The following HECW2 variants were observed in gnomAD, a reference collection of about 807,000 sequenced individuals.
HECW2 encodes E3 ubiquitin-protein ligase HECW2.
HECW2 carries 61 observed loss-of-function variants against 175.2 expected under a neutral mutation model. The observed-to-expected ratio is 0.35, with a 90% CI of 0.28 to 0.43. The LOEUF is 0.43. Among genes scored for constraint, HECW2 ranks in the 20% least tolerant of loss-of-function variants. The pLI, the probability that HECW2 is intolerant of heterozygous loss-of-function variation, is 1.00. For synonymous variants in HECW2, 671 were observed against 731.0 expected (o/e 0.92, Z 1.32); for missense variants, 1,524 against 2,000.5 (o/e 0.76, Z 4.54).
At chr2:196,590,930 T>C (rs143993424) in intron 1 of HECW2, among the ~76,000 whole-genome samples, 2 of 152,340 alleles carry the variant, frequency 1.3e-5, no homozygotes, top group East Asian at 3.8e-4. Context: ...CAAACATTGC[T>C]CATAATCTTC....
At position 196,334,415 on chromosome 2, in the gene HECW2, G is replaced by A. The variant is rs533622155; in HGVS notation, c.495+9C>T. ...TCTCACAAGGAAGCTGGCAGCGAGG[G>A]GCACTCACCATCACAGCTGGGTTCT... On this transcript the variant is annotated intron_variant, in intron 4 of 28. Coordinates refer to ENST00000644978, the MANE Select transcript of HECW2 (RefSeq NM_001348768.2). The A allele has an allele frequency of 1.3e-6, 2 of 1,598,512 alleles. No individual in the cohort carries two copies. The highest frequency in any genetic ancestry group is 1.3e-5 in the African/African-American group (1 of 74,794).
At chr2:196,437,184 C>A (rs933344773) in intron 1 of HECW2, among the ~76,000 whole-genome samples, 1 of 151,658 alleles carries the variant, frequency 6.6e-6, no homozygotes, top group Non-Finnish European at 1.5e-5. Context: ...AAAAAAGAAA[C>A]GCATGAAGAG....
rs368139660 is a variant in HECW2 at position 196,423,111 on chromosome 2, T to C, written c.292+10021A>G. 6.0e-4 allele frequency among the ~76,000 whole-genome samples: 91 copies of C among 152,286 alleles called. No homozygotes were observed. The East Asian group carries it at 0.015, about 24-fold the overall frequency. On this transcript the variant is annotated intron_variant, in intron 2 of 28. Transcript: ENST00000644978. ...AAACTGGAAATCCCTTCTTGGGAATTCATTCAGTGGGTAAGTTTGAGCTGC... is the reference window on the plus strand; with the variant it reads ...AAACTGGAAATCCCTTCTTGGGAATCCATTCAGTGGGTAAGTTTGAGCTGC...
At chr2:196,550,933 A>C (rs926982191) in intron 1 of HECW2, among the ~76,000 whole-genome samples, 1 of 152,242 alleles carries the variant, frequency 6.6e-6, no homozygotes, top group Non-Finnish European at 1.5e-5. Context: ...ACAACCAAGA[A>C]AATTAATATA....
chr2:196,418,216 C>T (rs1170068086), intron 2 of HECW2, among the ~76,000 whole-genome samples: 1 of 151,962 alleles, frequency 6.6e-6, no homozygotes, highest in Non-Finnish European at 1.5e-5. Flanking sequence ...GCAAGCTCTG[C>T]CTCCCGGGTT....
chr2:196,323,925 T>G (rs1382314395), intron 6 of HECW2, among the ~76,000 whole-genome samples: 39 of 146,292 alleles, frequency 2.7e-4, no homozygotes, highest in Middle Eastern at 3.5e-3. Flanking sequence ...GTTTGTTTTT[T>G]TTTTTTTTTT....
At chr2:196,283,381 T>A (rs796771551) in intron 14 of HECW2, among the ~76,000 whole-genome samples, 13 of 149,758 alleles carry the variant, frequency 8.7e-5, no homozygotes, top group African/African-American at 2.9e-4. Flanking sequence ...AATACACTTT[T>A]TTTTTTTTTT....
chr2:196,322,523 T>G lies in HECW2; in HGVS notation c.839A>C (p.Lys280Thr), dbSNP rs757304128. The change falls in exon 7 of 29, where the codon AAA (lysine) becomes ACA (threonine). Residue 280 changes from lysine to threonine, a missense_variant. By Grantham distance (78) the Lys-to-Thr change is moderately conservative (BLOSUM62 -1). Around this residue, in one of 11 missense-constraint regions of HECW2, gnomAD observed 95 missense variants for 136.8 expected, o/e 0.69. Coordinates refer to ENST00000644978, the MANE Select transcript of HECW2 (RefSeq NM_001348768.2). The part of the protein sequence containing the change: ...SRPIIKRFLG[K>T]LTIPVQRLLE... ...CAGCCTCTGGACTGGAATGGTTAGT[T>G]TCCCCAGAAAACGCTTGATGATGGG... 58 of 1,613,990 alleles carry G rather than the reference T, an allele frequency of 3.6e-5. No individual in the cohort carries two copies. The highest frequency in any genetic ancestry group is 6.8e-6 in the Non-Finnish European group (8 of 1,179,998).
chr2:196,510,999 T>A (rs947442902), intron 1 of HECW2, among the ~76,000 whole-genome samples: 2 of 152,328 alleles, frequency 1.3e-5, no homozygotes, highest in Admixed American at 6.5e-5. Flanking sequence ...AGGGTCTCAC[T>A]CTGTCGCCCA....
intron 2 of HECW2, among the ~76,000 whole-genome samples, chr2:196,396,316 C>T (rs1022030981): frequency 1.3e-5 from 2 of 152,152 alleles, no homozygotes; most frequent in African/African-American, 4.8e-5. Context: ...ACTATTCAAA[C>T]TATAGAAATA....
At chr2:196,549,020 C>T (rs1689520205) in intron 1 of HECW2, among the ~76,000 whole-genome samples, 1 of 152,176 alleles carries the variant, frequency 6.6e-6, no homozygotes. Context: ...GGGGTTGGCA[C>T]TTCAACACAT....
At chr2:196,578,499 G>T (rs1364173981) in intron 1 of HECW2, among the ~76,000 whole-genome samples, 1 of 152,076 alleles carries the variant, frequency 6.6e-6, no homozygotes, top group Non-Finnish European at 1.5e-5. Context: ...ATTAACCTAT[G>T]TATCCAGGAG....
intron 17 of HECW2, chr2:196,263,193 C>A (rs945797814): frequency 2.6e-5 from 4 of 152,142 alleles, no homozygotes; most frequent in African/African-American, 9.7e-5. Context: ...AACTATACAG[C>A]GACAAACTCA....
intron 14 of HECW2, among the ~76,000 whole-genome samples, chr2:196,284,879 G>A (rs1171875121): frequency 6.6e-6 from 1 of 152,016 alleles, no homozygotes; most frequent in East Asian, 1.9e-4. Flanking sequence ...TGGAAAAATA[G>A]ATCCTTTTCA....
chr2:196,501,191 A>C (rs1687567544), intron 1 of HECW2, among the ~76,000 whole-genome samples: 1 of 152,214 alleles, frequency 6.6e-6, no homozygotes, highest in African/African-American at 2.4e-5. Flanking sequence ...TATTTTCTAA[A>C]AACTGGTTTC....
rs989178923 is a variant in HECW2, at chr2:196,201,164, C to T, written c.*113G>A. The T allele has an allele frequency of 9.4e-6, 7 of 740,986 alleles. No homozygotes were observed. The highest frequency in any genetic ancestry group is 2.0e-5 in the Admixed American group (1 of 49,242). 45.9% of individuals were successfully genotyped at this position (740,986 alleles called of 1,614,324 possible). A position where few individuals can be genotyped will look rare whatever the true frequency, so the allele number is the denominator to read the frequency against. On this transcript the variant is annotated 3_prime_UTR_variant, in exon 29 of 29. Transcript: ENST00000644978. Reference sequence around the variant, plus strand: ...CACTTGTTCCTGGAAAACAACAGCACATAGCTTTATCCTAAAGGAAGCATC... The same window carrying T: ...CACTTGTTCCTGGAAAACAACAGCATATAGCTTTATCCTAAAGGAAGCATC...
chr2:196,586,130 T>C (rs1424378853), intron 1 of HECW2, among the ~76,000 whole-genome samples: 10 of 152,224 alleles, frequency 6.6e-5, no homozygotes, highest in African/African-American at 2.4e-4. Context: ...AGAGATACTA[T>C]GCTTATGATA....
At chr2:196,529,993 G>C (rs1255025963) in intron 1 of HECW2, among the ~76,000 whole-genome samples, 1 of 152,210 alleles carries the variant, frequency 6.6e-6, no homozygotes, top group East Asian at 1.9e-4. Context: ...TTGCAAGTTT[G>C]TTTAATTTTT....
At chr2:196,221,366 G>T (rs75618264) in intron 24 of HECW2, among the ~76,000 whole-genome samples, 7,142 of 152,140 alleles carry the variant, frequency 0.047, 548 homozygotes, top group African/African-American at 0.16. Flanking sequence ...CACATGGAAT[G>T]CAGAAAAGCA....
Sources: gnomAD v4.1 joint callset for allele counts (sites outside exome capture counted in the v4.1 genomes callset) on GRCh38, gnomAD v4.1.1 for gene constraint, gnomAD v4.1.1 regional missense constraint, MANE v1.5 for transcripts, NCBI Gene and HGNC (gene_info 2026-07-23, HGNC 2026-07-21) for gene names.